COX7B2: variants seen among roughly 807,000 people sequenced by gnomAD.
COX7B2 encodes cytochrome c oxidase subunit 7B2, mitochondrial.
For synonymous variants in COX7B2, 37 were observed against 32.1 expected (o/e 1.15, Z -0.51); for missense variants, 109 against 95.9 (o/e 1.14, Z -0.57).
At chr4:46,776,603 C>T (rs1231751068) in intron 2 of COX7B2, among the ~76,000 whole-genome samples, 2 of 152,108 alleles carry the variant, frequency 1.3e-5, no homozygotes, top group South Asian at 4.1e-4. Flanking sequence ...ATATCAGTCT[C>T]TCCTGGGTTT....
intron 1 of COX7B2, among the ~76,000 whole-genome samples, chr4:46,878,143 CAGAA>C: frequency 6.6e-6 from 1 of 151,596 alleles, no homozygotes; most frequent in East Asian, 1.9e-4. Flanking sequence ...AAGCCAGACA[CAGAA>C]AGAAAGACTG....
chr4:46,894,505 A>G lies in COX7B2; in HGVS notation c.-105+14655T>C, dbSNP rs184280192. 2.6e-5 allele frequency among the ~76,000 whole-genome samples: 4 copies of G among 152,230 alleles called. No individual in the cohort carries two copies. In the East Asian group the frequency reaches 5.8e-4, roughly 22 times the overall value. Reference sequence around the variant, plus strand: ...AAAATCAACTCAAGATGAATTAAAGATTAAATGTAAACCCAAAACTCTAAA... The same window carrying G: ...AAAATCAACTCAAGATGAATTAAAGGTTAAATGTAAACCCAAAACTCTAAA... On this transcript the variant is annotated intron_variant, in intron 1 of 2. Transcript: ENST00000355591.
intron 1 of COX7B2, among the ~76,000 whole-genome samples, chr4:46,906,380 T>C (rs1345552153): frequency 6.6e-6 from 1 of 152,192 alleles, no homozygotes; most frequent in Non-Finnish European, 1.5e-5. Flanking sequence ...GTACAGACCT[T>C]GAATAGCATT....
At chr4:46,878,963 T>A (rs1313042508) in intron 1 of COX7B2, among the ~76,000 whole-genome samples, 2 of 152,190 alleles carry the variant, frequency 1.3e-5, no homozygotes, top group Admixed American at 6.5e-5. Flanking sequence ...AAGATTATAT[T>A]ACTAAACCAG....
chr4:46,766,267 T>G (rs1716527716), intron 2 of COX7B2, among the ~76,000 whole-genome samples: 1 of 152,212 alleles, frequency 6.6e-6, no homozygotes, highest in South Asian at 2.1e-4. Flanking sequence ...AATGGTGGTG[T>G]GTAAAACATT....
intron 2 of COX7B2, among the ~76,000 whole-genome samples, chr4:46,804,944 C>A (rs545045512): frequency 6.6e-6 from 1 of 152,294 alleles, no homozygotes; most frequent in South Asian, 2.1e-4. Flanking sequence ...GGGGGCGGTG[C>A]TCAGGCATGG....
intron 2 of COX7B2, among the ~76,000 whole-genome samples, chr4:46,778,433 A>G (rs761244684): frequency 5.9e-5 from 9 of 152,116 alleles, no homozygotes; most frequent in Non-Finnish European, 8.8e-5. Flanking sequence ...TTATGGTAAC[A>G]CTGCATTTCT....
intron 2 of COX7B2, among the ~76,000 whole-genome samples, chr4:46,773,636 A>T (rs1194460276): frequency 2.0e-5 from 3 of 152,118 alleles, no homozygotes; most frequent in Admixed American, 1.3e-4. Flanking sequence ...TATATTAAAA[A>T]CCATGGTGAA....
chr4:46,864,470 G>A (rs1374377578), intron 1 of COX7B2, among the ~76,000 whole-genome samples: 1 of 152,110 alleles, frequency 6.6e-6, no homozygotes, highest in African/African-American at 2.4e-5. Flanking sequence ...GAGTTTTTAA[G>A]AGAAGTTAAG....
At chr4:46,764,114 T>C (rs1716382382) in intron 2 of COX7B2, among the ~76,000 whole-genome samples, 1 of 152,240 alleles carries the variant, frequency 6.6e-6, no homozygotes, top group African/African-American at 2.4e-5. Context: ...CTTCTAGAAC[T>C]GCTACTAGAA....
intron 1 of COX7B2, among the ~76,000 whole-genome samples, chr4:46,906,187 G>C (rs62303668): frequency 0.12 from 18,637 of 152,176 alleles, 1,681 homozygotes; most frequent in East Asian, 0.31. Flanking sequence ...TTATGGAATT[G>C]ATAAGCTGGT....
chr4:46,894,532 G>A (rs1297081747), intron 1 of COX7B2, among the ~76,000 whole-genome samples: 1 of 151,974 alleles, frequency 6.6e-6, no homozygotes, highest in African/African-American at 2.4e-5. Context: ...AACTCTAAAA[G>A]CTCTGGAAGA....
intron 2 of COX7B2, among the ~76,000 whole-genome samples, chr4:46,773,102 A>C (rs1434879808): frequency 6.6e-6 from 1 of 152,192 alleles, no homozygotes; most frequent in African/African-American, 2.4e-5. Context: ...ATGAAATACG[A>C]TGTCTATTTT....
At chr4:46,820,836 T>A (rs57729343) in intron 2 of COX7B2, among the ~76,000 whole-genome samples, 16,810 of 137,590 alleles carry the variant, frequency 0.12, 1,337 homozygotes, top group East Asian at 0.26. Context: ...AAAAAAAAAA[T>A]ATATATATAT....
intron 1 of COX7B2, among the ~76,000 whole-genome samples, chr4:46,846,594 A>G (rs1716294260): frequency 6.6e-6 from 1 of 151,964 alleles, no homozygotes; most frequent in Non-Finnish European, 1.5e-5. Context: ...GAACGGCTCT[A>G]AAGTGAGAGG....
intron 2 of COX7B2, among the ~76,000 whole-genome samples, chr4:46,840,374 C>A (rs1050685106): frequency 6.6e-6 from 1 of 151,812 alleles, no homozygotes; most frequent in Non-Finnish European, 1.5e-5. Flanking sequence ...TTGTCTGCAA[C>A]AATAATAGGA....
intron 2 of COX7B2, among the ~76,000 whole-genome samples, chr4:46,780,408 T>G (rs1717383862): frequency 6.6e-6 from 1 of 152,126 alleles, no homozygotes; most frequent in Non-Finnish European, 1.5e-5. Flanking sequence ...TCCCAGCTAC[T>G]TGGGAGGCTG....
chr4:46,752,683 G>T lies in COX7B2; in HGVS notation c.-49-17442C>A, dbSNP rs569569178. Among the ~76,000 whole-genome samples the T allele has an allele frequency of 3.3e-5, 5 of 152,180 alleles. No homozygotes were observed. In the South Asian group the frequency reaches 1.0e-3, roughly 32 times the overall value. Reference sequence around the variant, plus strand: ...CTCCATCTATTGAGATAATCATGTGGTTTTTGTCGTTGGTTCTGTTTATAT... The same window carrying T: ...CTCCATCTATTGAGATAATCATGTGTTTTTTGTCGTTGGTTCTGTTTATAT... On this transcript the variant is annotated intron_variant, in intron 2 of 2. Transcript: ENST00000355591.
intron 2 of COX7B2, among the ~76,000 whole-genome samples, chr4:46,749,717 T>C (rs1282482097): frequency 6.6e-6 from 1 of 152,192 alleles, no homozygotes; most frequent in Non-Finnish European, 1.5e-5. Context: ...ATGTTAGAAA[T>C]ACTTTTTCAC....
Sources: allele counts gnomAD v4.1 joint callset (sites outside exome capture counted in the v4.1 genomes callset), GRCh38; gene constraint gnomAD v4.1.1; transcripts MANE v1.5; gene names NCBI Gene and HGNC (gene_info 2026-07-23, HGNC 2026-07-21).